RELN: variants seen among roughly 807,000 people sequenced by gnomAD.
The protein encoded by RELN is reelin.
In RELN, 108 loss-of-function variants were observed where a neutral mutation model predicts 427.6. The observed-to-expected ratio is 0.25, with a 90% CI of 0.22 to 0.30. The LOEUF is 0.30. Among genes scored for constraint, RELN ranks in the 10% least tolerant of loss-of-function variants. The pLI is 1.00. For synonymous variants in RELN, 1,524 were observed against 1,513.4 expected (o/e 1.01, Z -0.16); for missense variants, 3,715 against 4,302.8 (o/e 0.86, Z 3.82).
At chr7:103,862,181 T>A (rs1287310419) in intron 2 of RELN, among the ~76,000 whole-genome samples, 1 of 152,116 alleles carries the variant, frequency 6.6e-6, no homozygotes. Flanking sequence ...AAGCTAAGAT[T>A]ATTCAGGTAG....
chr7:103,608,494 C>T lies in RELN; in HGVS notation c.3008+2201G>A, dbSNP rs575063772. 7.3e-5 allele frequency among the ~76,000 whole-genome samples: 11 copies of T among 151,714 alleles called. 1 individual carries two copies. Among genetic ancestry groups the T allele is most frequent in the East Asian group, 1.9e-4 (1 of 5,160 alleles). On this transcript the variant is annotated intron_variant, in intron 22 of 64. Coordinates refer to ENST00000428762, the MANE Select transcript of RELN (RefSeq NM_005045.4). ...TACATATACTTAAAGGTAAATGGTC[C>T]GGGGAATAATTTAGTAGAAACTTTA...
chr7:103,791,365 A>T (rs1489255958), intron 3 of RELN, among the ~76,000 whole-genome samples: 1 of 152,230 alleles, frequency 6.6e-6, no homozygotes, highest in Non-Finnish European at 1.5e-5. Flanking sequence ...AAGTTACCAT[A>T]ATCAAGACAA....
intron 1 of RELN, among the ~76,000 whole-genome samples, chr7:103,946,772 T>C (rs1023325157): frequency 2.0e-5 from 3 of 152,202 alleles, no homozygotes; most frequent in African/African-American, 7.2e-5. Flanking sequence ...AAGCTTTTGA[T>C]GAAATTCTTG....
At chr7:103,698,464 AC>A (rs1357665447) in intron 9 of RELN, among the ~76,000 whole-genome samples, 2 of 152,200 alleles carry the variant, frequency 1.3e-5, no homozygotes, top group Non-Finnish European at 2.9e-5. Context: ...CACATGGTAA[AC>A]ATACAATCTA....
intron 58 of RELN, 85 bp downstream of exon 58, chr7:103,491,852 TCTCTCACACACACACA>T (rs1390006171): frequency 2.7e-5 from 12 of 439,694 alleles, no homozygotes; most frequent in African/African-American, 1.8e-4. Flanking sequence ...TCTCTCTCTC[TCTCTCACACACACACA>T]CACACACACA....
chr7:103,814,263 C>A (rs979881367), intron 3 of RELN, among the ~76,000 whole-genome samples: 3 of 152,144 alleles, frequency 2.0e-5, no homozygotes, highest in Non-Finnish European at 2.9e-5. Flanking sequence ...ATGAACCTAG[C>A]AGAGTGGATG....
chr7:103,491,624 G>A (rs970455964), intron 58 of RELN, among the ~76,000 whole-genome samples: 1 of 152,100 alleles, frequency 6.6e-6, no homozygotes, highest in Non-Finnish European at 1.5e-5. Context: ...GAGGTCGGGA[G>A]TTCAAGACCA....
intron 63 of RELN, among the ~76,000 whole-genome samples, chr7:103,481,401 A>G (rs1163256955): frequency 2.0e-5 from 3 of 152,226 alleles, no homozygotes; most frequent in African/African-American, 4.8e-5. Context: ...TGTCAGGCAC[A>G]GGAAGCCCCA....
chr7:103,665,053 A>G (rs143466292), intron 11 of RELN, among the ~76,000 whole-genome samples: 1 of 152,232 alleles, frequency 6.6e-6, no homozygotes, highest in East Asian at 1.9e-4. Context: ...TTTTCTTCTA[A>G]AAGTTTTAAA....
At chr7:103,541,858 G>C (rs1177802502) in intron 43 of RELN, among the ~76,000 whole-genome samples, 1 of 151,988 alleles carries the variant, frequency 6.6e-6, no homozygotes, top group Non-Finnish European at 1.5e-5. Flanking sequence ...TTTTATAACT[G>C]TGTAATTATT....
chr7:103,634,805 C>T (rs766649966), intron 19 of RELN, among the ~76,000 whole-genome samples: 2 of 151,918 alleles, frequency 1.3e-5, no homozygotes, highest in African/African-American at 2.4e-5. Context: ...GTGCCATATT[C>T]TATTCCTGTG....
At chr7:103,848,581 G>A (rs10262803) in intron 2 of RELN, among the ~76,000 whole-genome samples, 21,395 of 152,090 alleles carry the variant, frequency 0.14, 1,707 homozygotes, top group East Asian at 0.29. Context: ...GCCATACTGG[G>A]TCCCCAGGTC....
At chr7:103,608,369 A>G (rs1831867862) in intron 22 of RELN, among the ~76,000 whole-genome samples, 2 of 152,348 alleles carry the variant, frequency 1.3e-5, no homozygotes, top group African/African-American at 4.8e-5. Context: ...TAGGAATGTT[A>G]AGATAAATAT....
chr7:103,542,664 A>G, intron 43 of RELN, 67 bp downstream of exon 43: 1 of 1,562,962 alleles, frequency 6.4e-7, no homozygotes, highest in Non-Finnish European at 8.8e-7. Flanking sequence ...CTTCCTTCTG[A>G]TTTGATTATG....
At chr7:103,512,291 T>C (rs1014628139) in intron 50 of RELN, among the ~76,000 whole-genome samples, 2 of 152,210 alleles carry the variant, frequency 1.3e-5, no homozygotes, top group African/African-American at 4.8e-5. Flanking sequence ...TGTGAAGCCA[T>C]GTTTAATTTG....
chr7:103,651,141 A>G (rs1441071160), intron 15 of RELN, among the ~76,000 whole-genome samples: 3 of 152,112 alleles, frequency 2.0e-5, no homozygotes, highest in Non-Finnish European at 2.9e-5. Context: ...TAATTTTGCC[A>G]TTCTTGCAAA....
At chr7:103,833,203 C>T (rs1793317508) in intron 3 of RELN, among the ~76,000 whole-genome samples, 1 of 152,012 alleles carries the variant, frequency 6.6e-6, no homozygotes, top group Non-Finnish European at 1.5e-5. Context: ...TTTACTTCTC[C>T]TAACTGACAC....
intron 1 of RELN, among the ~76,000 whole-genome samples, chr7:103,927,009 A>G (rs917671942): frequency 2.0e-5 from 3 of 152,220 alleles, no homozygotes; most frequent in Non-Finnish European, 4.4e-5. Context: ...TCATTTCAAT[A>G]TACTAAAACT....
Position 103,553,429 on chromosome 7 carries a change from T to C in RELN, c.6072+32A>G, listed in dbSNP as rs362792. 1,994 of 1,504,688 alleles carry C rather than the reference T, an allele frequency of 1.3e-3. 31 individuals carry two copies. The African/African-American group carries it at 0.023, about 18-fold the overall frequency. 93.2% of individuals were successfully genotyped at this position (1,504,688 alleles called of 1,614,324 possible). ...CCTAGGTTTTGTTCAATATAAAATTTAAAGCATTTATTATAGAACAAAGTC... is the reference window on the plus strand; with the variant it reads ...CCTAGGTTTTGTTCAATATAAAATTCAAAGCATTTATTATAGAACAAAGTC... On this transcript the variant is annotated intron_variant, in intron 40 of 64. Transcript: ENST00000428762.
Sources: allele counts gnomAD v4.1 joint callset (sites outside exome capture counted in the v4.1 genomes callset), GRCh38; gene constraint gnomAD v4.1.1; transcripts MANE v1.5; gene names NCBI Gene and HGNC (gene_info 2026-07-23, HGNC 2026-07-21).